Variants in ATRNL1 observed in about 807,000 individuals in gnomAD.
ATRNL1 encodes the protein attractin-like protein 1.
In ATRNL1, 95 loss-of-function variants were observed where a neutral mutation model predicts 182.7. The ratio of observed to expected loss-of-function variants is 0.52; its 90% confidence interval spans 0.44 to 0.62. The LOEUF (loss-of-function observed/expected upper bound fraction) is 0.62. ATRNL1 is among the 20% of genes least tolerant of loss of function. ATRNL1 has a pLI of 0.00. For missense variants in ATRNL1, 1,471 were observed against 1,679.5 expected, an observed-to-expected ratio of 0.88 and a Z score of 2.17; for synonymous variants, 576 against 568.3, an observed-to-expected ratio of 1.01 and a Z score of -0.19.
At chr10:115,569,233 G>T (rs1555002735) in intron 26 of ATRNL1, among the ~76,000 whole-genome samples, 2 of 151,946 alleles carry the variant, frequency 1.3e-5, no homozygotes, top group East Asian at 1.9e-4. Flanking sequence ...TATTATAAAT[G>T]CATTCTATTT....
intron 19 of ATRNL1, among the ~76,000 whole-genome samples, chr10:115,389,392 A>C (rs183774988): frequency 6.6e-6 from 1 of 150,744 alleles, no homozygotes; most frequent in Non-Finnish European, 1.5e-5. Flanking sequence ...GGGTGCTTGT[A>C]ATCCCAGCTA....
At chr10:115,460,375 A>G (rs1554969491) in intron 21 of ATRNL1, among the ~76,000 whole-genome samples, 2 of 152,060 alleles carry the variant, frequency 1.3e-5, no homozygotes, top group Non-Finnish European at 2.9e-5. Flanking sequence ...TTCTCCATTT[A>G]AGTTAATGGT....
At chr10:115,771,103 T>C (rs1403707454) in intron 27 of ATRNL1, among the ~76,000 whole-genome samples, 1 of 152,154 alleles carries the variant, frequency 6.6e-6, no homozygotes, top group East Asian at 1.9e-4. Flanking sequence ...ATCAAATACC[T>C]TACCCTGGTA....
intron 10 of ATRNL1, among the ~76,000 whole-genome samples, chr10:115,242,681 A>G (rs1364793859): frequency 1.3e-5 from 2 of 152,052 alleles, no homozygotes; most frequent in African/African-American, 4.8e-5. Flanking sequence ...TCATGTAAAG[A>G]AAACTCTGAC....
intron 26 of ATRNL1, among the ~76,000 whole-genome samples, chr10:115,636,777 A>G (rs1387410071): frequency 6.6e-6 from 1 of 152,246 alleles, no homozygotes; most frequent in East Asian, 1.9e-4. Context: ...AATATTATTC[A>G]CAGTAAACAA....
chr10:115,481,721 T>C, intron 24 of ATRNL1, among the ~76,000 whole-genome samples: 1 of 151,006 alleles, frequency 6.6e-6, no homozygotes, highest in Middle Eastern at 3.4e-3. Flanking sequence ...AACATATTTA[T>C]AATCTTATAT....
chr10:115,748,037 G>A (rs2960640), intron 27 of ATRNL1, among the ~76,000 whole-genome samples: 144,814 of 152,076 alleles, frequency 0.95, 69,329 homozygotes, highest in East Asian at 1. Context: ...ATGAATTTGG[G>A]GGAGGATACA....
chr10:115,923,850 A>G (rs1456322854), intron 28 of ATRNL1, among the ~76,000 whole-genome samples: 3 of 152,192 alleles, frequency 2.0e-5, no homozygotes, highest in African/African-American at 7.2e-5. Flanking sequence ...CAATGGTTGA[A>G]CTAATGTACA....
chr10:115,376,910 A>AC (rs1857705306), intron 19 of ATRNL1, among the ~76,000 whole-genome samples: 1 of 151,896 alleles, frequency 6.6e-6, no homozygotes, highest in African/African-American at 2.4e-5. Flanking sequence ...AAAAAGAATC[A>AC]TTTTTTGTTT....
At chr10:115,381,075 C>G (rs117967512) in intron 19 of ATRNL1, among the ~76,000 whole-genome samples, 5 of 152,050 alleles carry the variant, frequency 3.3e-5, no homozygotes, top group Non-Finnish European at 5.9e-5. Flanking sequence ...TTTGTTATAG[C>G]CCTCCCAGTA....
At chr10:115,481,029 G>C (rs1462033863) in intron 24 of ATRNL1, among the ~76,000 whole-genome samples, 1 of 150,542 alleles carries the variant, frequency 6.6e-6, no homozygotes, top group African/African-American at 2.4e-5. Flanking sequence ...TTTTTATAAA[G>C]TCATTAATTA....
At chr10:115,827,206 CGACAGCATT>C (rs1200985120) in intron 27 of ATRNL1, among the ~76,000 whole-genome samples, 3 of 152,058 alleles carry the variant, frequency 2.0e-5, no homozygotes, top group African/African-American at 7.2e-5. Context: ...TCTGAAAGTC[CGACAGCATT>C]GACTTTAACT....
chr10:115,187,756 A>G (rs1848005312), intron 8 of ATRNL1, among the ~76,000 whole-genome samples: 1 of 136,364 alleles, frequency 7.3e-6, no homozygotes, highest in Admixed American at 8.9e-5. Context: ...ATCTCGGCTC[A>G]CTGCAACCTC....
chr10:115,872,905 G>A (rs1951617414), intron 28 of ATRNL1, among the ~76,000 whole-genome samples: 1 of 152,184 alleles, frequency 6.6e-6, no homozygotes, highest in Admixed American at 6.5e-5. Context: ...GGAAACCCAG[G>A]TTTTCTGGGA....
chr10:115,309,084 C>A (rs538198518), intron 17 of ATRNL1, among the ~76,000 whole-genome samples: 1 of 152,042 alleles, frequency 6.6e-6, no homozygotes, highest in Non-Finnish European at 1.5e-5. Flanking sequence ...GGCTTTATAT[C>A]TGGGTTCTCT....
chr10:115,781,210 A>T (rs1455711163), intron 27 of ATRNL1, among the ~76,000 whole-genome samples: 1 of 152,162 alleles, frequency 6.6e-6, no homozygotes, highest in Non-Finnish European at 1.5e-5. Context: ...CACCAAATCC[A>T]AGCAAAGATG....
At chr10:115,799,859 T>C (rs1336079145) in intron 27 of ATRNL1, among the ~76,000 whole-genome samples, 2 of 152,200 alleles carry the variant, frequency 1.3e-5, no homozygotes, top group African/African-American at 2.4e-5. Flanking sequence ...CCAGCCACTT[T>C]ACAGGCTTTA....
intron 26 of ATRNL1, chr10:115,597,515 A>G (rs1278719164): frequency 2.8e-6 from 1 of 359,700 alleles, no homozygotes; most frequent in East Asian, 8.8e-5. Flanking sequence ...TTCAATTACA[A>G]AATATGAGAA....
At chr10:115,916,517 T>G (rs1298991442) in intron 28 of ATRNL1, among the ~76,000 whole-genome samples, 5 of 152,192 alleles carry the variant, frequency 3.3e-5, no homozygotes, top group Admixed American at 6.5e-5. Flanking sequence ...GGGAACATGG[T>G]GCTATGATTT....
Sources: allele counts gnomAD v4.1 joint callset (sites outside exome capture counted in the v4.1 genomes callset), GRCh38; gene constraint gnomAD v4.1.1; transcripts MANE v1.5; gene names NCBI Gene and HGNC (gene_info 2026-07-23, HGNC 2026-07-21).